The following PROM1 variants were observed in gnomAD, a reference collection of about 807,000 sequenced individuals.
PROM1 encodes prominin 1.
A neutral mutation model predicts 116.9 loss-of-function variants in PROM1; 105 were observed. That is an observed-to-expected ratio of 0.90 (90% CI 0.77 to 1.06). The LOEUF (loss-of-function observed/expected upper bound fraction) is 1.06. PROM1 is among the 50% of genes least tolerant of loss of function. The probability of loss-of-function intolerance (pLI) is 0.00; values close to 1 mark genes in which losing one functional copy is unlikely to be tolerated. For synonymous variants in PROM1, 393 were observed against 387.0 expected (o/e 1.02, Z -0.18); for missense variants, 1,122 against 1,045.2 (o/e 1.07, Z -1.01).
intron 14 of PROM1, among the ~76,000 whole-genome samples, chr4:15,999,640 C>A (rs760730428): frequency 6.6e-6 from 1 of 152,060 alleles, no homozygotes; most frequent in Non-Finnish European, 1.5e-5. Flanking sequence ...GATAATGATG[C>A]CTGGCTTGAT....
chr4:16,075,567 CT>C (rs1413606245), intron 2 of PROM1, 119 bp downstream of exon 2: 4 of 973,120 alleles, frequency 4.1e-6, no homozygotes, highest in Non-Finnish European at 5.9e-6. Context: ...CTTTCTGCTT[CT>C]GTGCAAAGCA....
chr4:16,022,123 A>G (rs375084362), intron 8 of PROM1, among the ~76,000 whole-genome samples: 181 of 147,390 alleles, frequency 1.2e-3, no homozygotes, highest in Non-Finnish European at 2.1e-3. Flanking sequence ...AGGAGGGAAG[A>G]AGGGAAGGAG....
intron 23 of PROM1, among the ~76,000 whole-genome samples, chr4:15,982,102 C>A (rs1484738952): frequency 6.6e-6 from 1 of 152,236 alleles, no homozygotes; most frequent in East Asian, 1.9e-4. Context: ...GCATCCTACA[C>A]TTGGCCTGCT....
chr4:16,003,958 C>T (rs575930120), intron 13 of PROM1, among the ~76,000 whole-genome samples: 1 of 152,222 alleles, frequency 6.6e-6, no homozygotes, highest in African/African-American at 2.4e-5. Context: ...ATGGTGTCAC[C>T]ATTTTTAAAG....
chr4:16,018,044 A>G (rs747707419), intron 9 of PROM1, among the ~76,000 whole-genome samples: 17 of 152,294 alleles, frequency 1.1e-4, no homozygotes, highest in Non-Finnish European at 2.2e-4. Flanking sequence ...GTCTACATGA[A>G]TATATTCTGT....
chr4:16,012,347 C>A (rs1344074469), intron 11 of PROM1, among the ~76,000 whole-genome samples: 1 of 152,172 alleles, frequency 6.6e-6, no homozygotes, highest in Admixed American at 6.5e-5. Context: ...TAACCTTGCA[C>A]AAAGAACTGC....
At chr4:16,074,964 A>G (rs1315425328) in intron 2 of PROM1, among the ~76,000 whole-genome samples, 1 of 152,244 alleles carries the variant, frequency 6.6e-6, no homozygotes, top group Non-Finnish European at 1.5e-5. Flanking sequence ...AAGCCAATCA[A>G]AAATTTAGGT....
Position 16,016,178 on chromosome 4 carries a change from G to C in PROM1, c.1065C>G (p.Gly355=). The change falls in exon 10 of 28, where the codon GGC becomes GGG. Residue 355 remains glycine, a synonymous_variant. Transcript: ENST00000447510. ...VNNVLRTDLD[G]LVQQGYQSLN... ...TCCAAAAGCATACCTGTTGGACCAG[G>C]CCATCCAAATCTGTCCTAAGAACGT... 5 of 1,554,426 alleles carry C rather than the reference G, an allele frequency of 3.2e-6. No individual in the cohort carries two copies. Among genetic ancestry groups the C allele is most frequent in the East Asian group, 2.4e-5 (1 of 41,414 alleles).
At chr4:15,981,031 G>A (rs955176427) in intron 23 of PROM1, among the ~76,000 whole-genome samples, 1 of 151,112 alleles carries the variant, frequency 6.6e-6, no homozygotes, top group Non-Finnish European at 1.5e-5. Flanking sequence ...GTGCGATCTC[G>A]GCTCACTGCA....
In PROM1 at chr4:15,992,117, G is replaced by A. The variant is rs1048757199; in HGVS notation, c.1911+131C>T. ...CACTGTGAATGTACTCAATGCCACC[G>A]AATTGCTCACTTTAAAATAGTCTTA... On this transcript the variant is annotated intron_variant, in intron 17 of 27. Coordinates refer to ENST00000447510, the MANE Select transcript of PROM1 (RefSeq NM_006017.3). 8 of 1,172,686 alleles carry A rather than the reference G, an allele frequency of 6.8e-6. No homozygotes were observed. In the Admixed American group the frequency reaches 1.1e-4, roughly 16 times the overall value. The allele number at this position is 1,172,686 out of a possible 1,614,324, so 72.6% of individuals were successfully genotyped here.
intron 15 of PROM1, among the ~76,000 whole-genome samples, chr4:15,995,332 G>A (rs567764618): frequency 2.2e-5 from 2 of 89,380 alleles, no homozygotes; most frequent in South Asian, 3.3e-4. Context: ...AGAAGAAGAC[G>A]AAGAAGACGA....
At chr4:15,993,198 A>G (rs1450096177) in intron 16 of PROM1, among the ~76,000 whole-genome samples, 1 of 152,238 alleles carries the variant, frequency 6.6e-6, no homozygotes, top group African/African-American at 2.4e-5. Flanking sequence ...CTCTAGCAGC[A>G]GTGCGCAAGC....
chr4:16,063,398 C>T (rs7699057), intron 2 of PROM1, among the ~76,000 whole-genome samples: 97,906 of 151,982 alleles, frequency 0.64, 33,018 homozygotes, highest in Non-Finnish European at 0.76. Flanking sequence ...GAGTTCGAGA[C>T]CAGCCTGGCC....
At chr4:16,001,803 G>A (rs1279424039) in intron 13 of PROM1, among the ~76,000 whole-genome samples, 1 of 152,160 alleles carries the variant, frequency 6.6e-6, no homozygotes, top group Non-Finnish European at 1.5e-5. Flanking sequence ...CTATAGGGAA[G>A]AGGCAGTGTG....
At chr4:16,016,046 C>T (rs1728299137) in intron 10 of PROM1, 120 bp downstream of exon 10, 4 of 892,596 alleles carry the variant, frequency 4.5e-6, no homozygotes, top group Non-Finnish European at 6.9e-6. Context: ...AGCTATCACC[C>T]TTCTTGGCAA....
chr4:16,022,478 C>G (rs765064347), intron 8 of PROM1, among the ~76,000 whole-genome samples: 1 of 152,182 alleles, frequency 6.6e-6, no homozygotes, highest in African/African-American at 2.4e-5. Context: ...CTGTTCTGCA[C>G]GTCCTCCAGT....
intron 15 of PROM1, among the ~76,000 whole-genome samples, chr4:15,997,092 G>A (rs1413985726): frequency 1.3e-5 from 2 of 151,694 alleles, no homozygotes; most frequent in African/African-American, 4.8e-5. Context: ...ATAGCAGAGA[G>A]CTGCCCATGG....
intron 2 of PROM1, among the ~76,000 whole-genome samples, chr4:16,051,399 C>T (rs935193382): frequency 2.6e-5 from 4 of 152,178 alleles, no homozygotes; most frequent in Non-Finnish European, 4.4e-5. Flanking sequence ...AAATGTTATG[C>T]CATTATTATC....
At chr4:15,978,005 G>C (rs1461118963) in intron 26 of PROM1, among the ~76,000 whole-genome samples, 1 of 152,134 alleles carries the variant, frequency 6.6e-6, no homozygotes, top group Non-Finnish European at 1.5e-5. Context: ...TTTAGGTCAT[G>C]AAGGCAAAGC....
Sources: gnomAD v4.1 joint callset for allele counts (sites outside exome capture counted in the v4.1 genomes callset) on GRCh38, gnomAD v4.1.1 for gene constraint, MANE v1.5 for transcripts, NCBI Gene and HGNC (gene_info 2026-07-23, HGNC 2026-07-21) for gene names.